Variants in ADNP observed in about 807,000 individuals in gnomAD.
ADNP encodes the protein activity-dependent neuroprotector homeobox protein.
Under a neutral mutation model 84.9 loss-of-function variants are expected in ADNP, and 4 were observed. The observed-to-expected ratio is 0.05, with a 90% CI of 0.02 to 0.11. The LOEUF is 0.11. Among genes scored for constraint, ADNP ranks in the 10% least tolerant of loss-of-function variants. The pLI, the probability that ADNP is intolerant of heterozygous loss-of-function variation, is 1.00. For missense variants in ADNP, 1,132 were observed against 1,326.0 expected, an observed-to-expected ratio of 0.85 and a Z score of 2.27; for synonymous variants, 554 against 468.1, an observed-to-expected ratio of 1.18 and a Z score of -2.37.
intron 2 of ADNP, among the ~76,000 whole-genome samples, chr20:50,908,833 C>T (rs1186598858): frequency 6.6e-6 from 1 of 151,892 alleles, no homozygotes; most frequent in African/African-American, 2.4e-5. Context: ...GACAAGGGAT[C>T]CATACTTAAG....
intron 2 of ADNP, among the ~76,000 whole-genome samples, chr20:50,906,313 C>T (rs1398365368): frequency 6.6e-6 from 1 of 152,198 alleles, no homozygotes; most frequent in Non-Finnish European, 1.5e-5. Flanking sequence ...GTGTCACAGG[C>T]TAATTCTGAA....
intron 2 of ADNP, among the ~76,000 whole-genome samples, chr20:50,919,397 G>A (rs976073555): frequency 6.6e-6 from 1 of 151,674 alleles, no homozygotes; most frequent in African/African-American, 2.4e-5. Context: ...TTGAGTTGCA[G>A]TGAGCTATGA....
chr20:50,921,264 C>G (rs907314701), intron 2 of ADNP, among the ~76,000 whole-genome samples: 6 of 152,214 alleles, frequency 3.9e-5, no homozygotes, highest in Non-Finnish European at 8.8e-5. Context: ...AACATCTGTT[C>G]CTGTACACAT....
intron 2 of ADNP, among the ~76,000 whole-genome samples, chr20:50,914,966 G>A (rs1357766626): frequency 6.7e-6 from 1 of 148,326 alleles, no homozygotes; most frequent in Admixed American, 6.6e-5. Flanking sequence ...AACTTCCCAT[G>A]TACACGTGTA....
At chr20:50,922,899 A>G (rs1984050463) in intron 2 of ADNP, among the ~76,000 whole-genome samples, 1 of 151,874 alleles carries the variant, frequency 6.6e-6, no homozygotes, top group African/African-American at 2.4e-5. Context: ...GTTTTTATAA[A>G]AGCTTCATAT....
chr20:50,922,746 A>AT (rs1007461651), intron 2 of ADNP, among the ~76,000 whole-genome samples: 16 of 151,530 alleles, frequency 1.1e-4, no homozygotes, highest in Middle Eastern at 3.4e-3. Flanking sequence ...AACCCAGCTA[A>AT]TTTTTTTTGT....
Position 50,892,555 on chromosome 20 carries a change from T to C in ADNP, c.2159A>G (p.Glu720Gly). 6.2e-7 allele frequency: 1 copy of C among 1,614,188 alleles called. No homozygotes were observed. Among genetic ancestry groups the C allele is most frequent in the Non-Finnish European group, 8.5e-7 (1 of 1,180,034 alleles). ...PSLAPVKRTY[E>G]QMEFPLLKKR... The stretch of plus-strand genomic sequence containing the variant: ...TTTCAGTAAGGGAAATTCCATTTGC[T>C]CGTAAGTGCGCTTCACAGGTGCCAG... Residue 720 changes from glutamate (E) to glycine (G), a missense_variant, in exon 6 of 6, where the codon GAG (glutamate) becomes GGG (glycine). Glu to Gly is a moderately conservative substitution (Grantham distance 98). This residue lies in a region of ADNP where 101 missense variants were observed against 78.5 expected (regional missense o/e 1.29). Transcript: ENST00000621696.
At chr20:50,915,925 A>G (rs572658844) in intron 2 of ADNP, among the ~76,000 whole-genome samples, 35 of 152,058 alleles carry the variant, frequency 2.3e-4, no homozygotes, top group African/African-American at 8.2e-4. Flanking sequence ...ATATTATAAC[A>G]CTCTTAATAA....
chr20:50,917,048 G>T (rs1016376605), intron 2 of ADNP, among the ~76,000 whole-genome samples: 1 of 152,180 alleles, frequency 6.6e-6, no homozygotes, highest in African/African-American at 2.4e-5. Flanking sequence ...CAAATTAGCA[G>T]CTGAGGTGAA....
chr20:50,926,096 TCAAA>T (rs554459423), intron 2 of ADNP, among the ~76,000 whole-genome samples: 45 of 152,218 alleles, frequency 3.0e-4, no homozygotes, highest in East Asian at 5.8e-4. Flanking sequence ...CAAGACTGTC[TCAAA>T]CAAACAAACA....
intron 2 of ADNP, among the ~76,000 whole-genome samples, chr20:50,917,335 A>C (rs1159334039): frequency 6.6e-6 from 1 of 152,238 alleles, no homozygotes; most frequent in East Asian, 1.9e-4. Context: ...TGATTCCATC[A>C]CATCCAGAGA....
At chr20:50,895,533 A>G (rs1395200813) in intron 5 of ADNP, among the ~76,000 whole-genome samples, 1 of 152,200 alleles carries the variant, frequency 6.6e-6, no homozygotes, top group Admixed American at 6.5e-5. Context: ...ATGAACACTT[A>G]GGCTACACAA....
rs545676628 is a variant in ADNP, at chr20:50,891,713, A to G, written c.3001T>C (p.Ser1001Pro). The G allele has an allele frequency of 6.2e-7, 1 of 1,613,976 alleles. No individual in the cohort carries two copies. Among genetic ancestry groups the G allele is most frequent in the South Asian group, 1.1e-5 (1 of 91,078 alleles). ...CTGCTCCTTGCATCTTCGCTTTGGG[A>G]AGACTCGTCAGACCAGGTTCCTGGT... Reference protein sequence around the residue: ...MKPGTWSDESSQSEDARSSKP... With the variant: ...MKPGTWSDESPQSEDARSSKP... Residue 1001 changes from serine to proline, a missense_variant, in exon 6 of 6, where the codon TCC becomes CCC. Transcript: ENST00000621696.
intron 2 of ADNP, among the ~76,000 whole-genome samples, chr20:50,923,214 C>G (rs1600994088): frequency 6.6e-6 from 1 of 152,168 alleles, no homozygotes; most frequent in Non-Finnish European, 1.5e-5. Context: ...CAGAAGCATG[C>G]CAAGTCTTTG....
Position 50,891,345 on chromosome 20 carries a change from T to G in ADNP, c.*60A>C. The G allele has an allele frequency of 1.4e-5, 21 of 1,498,132 alleles. No individual in the cohort carries two copies. Among genetic ancestry groups the G allele is most frequent in the Non-Finnish European group, 1.8e-5 (20 of 1,130,778 alleles). 92.8% of individuals were successfully genotyped at this position (1,498,132 alleles called of 1,614,324 possible). On this transcript the variant is annotated 3_prime_UTR_variant, in exon 6 of 6. Coordinates refer to ENST00000621696, the MANE Select transcript of ADNP (RefSeq NM_001282531.3). ...TACCAGTGAGAAGACAGCTTTGCAG[T>G]CACACTGGATATCAGAGTTCCAGGC... is the stretch of plus-strand genomic sequence containing the variant.
At chr20:50,900,785 T>G (rs1439070779) in intron 5 of ADNP, among the ~76,000 whole-genome samples, 1 of 152,218 alleles carries the variant, frequency 6.6e-6, no homozygotes, top group Non-Finnish European at 1.5e-5. Context: ...CTCCATTTTT[T>G]CCTCTGATTA....
At chr20:50,900,405 A>G (rs545102836) in intron 5 of ADNP, among the ~76,000 whole-genome samples, 11 of 152,206 alleles carry the variant, frequency 7.2e-5, no homozygotes, top group Admixed American at 1.3e-4. Flanking sequence ...ATCACCTAAC[A>G]GGGCATTTCT....
At chr20:50,908,242 C>A (rs1402578223) in intron 2 of ADNP, among the ~76,000 whole-genome samples, 1 of 149,826 alleles carries the variant, frequency 6.7e-6, no homozygotes, top group Non-Finnish European at 1.5e-5. Context: ...TTCCTTCTCA[C>A]TCTTATCCCT....
intron 5 of ADNP, among the ~76,000 whole-genome samples, chr20:50,896,798 A>C (rs1981442873): frequency 6.6e-6 from 1 of 150,826 alleles, no homozygotes; most frequent in Non-Finnish European, 1.5e-5. Flanking sequence ...TTTCTTGAGG[A>C]GGTCTCACAC....
Sources: allele counts gnomAD v4.1 joint callset (sites outside exome capture counted in the v4.1 genomes callset), GRCh38; gene constraint gnomAD v4.1.1; regional missense constraint gnomAD v4.1.1; transcripts MANE v1.5; gene names NCBI Gene and HGNC (gene_info 2026-07-23, HGNC 2026-07-21).